The following NMI variants were observed in gnomAD, a reference collection of about 807,000 sequenced individuals.
NMI encodes N-myc-interactor.
In NMI, 39 loss-of-function variants were observed where a neutral mutation model predicts 34.3. That is an observed-to-expected ratio of 1.14 (90% CI 0.88 to 1.49). The LOEUF (loss-of-function observed/expected upper bound fraction) is 1.49, where lower values mean the gene tolerates loss of function less well. Ranked by LOEUF, NMI falls within the 40% of genes most tolerant of loss-of-function variation. The pLI, the probability that NMI is intolerant of heterozygous loss-of-function variation, is 0.00. For missense variants in NMI, 339 were observed against 358.1 expected (o/e 0.95, Z 0.43); for synonymous variants, 113 against 120.3 (o/e 0.94, Z 0.40).
chr2:151,278,908 G>C lies in NMI; in HGVS notation c.260C>G (p.Ser87Cys), dbSNP rs1186773661. 3.1e-6 allele frequency: 5 copies of C among 1,612,706 alleles called. No homozygotes were observed. The highest frequency in any genetic ancestry group is 4.2e-6 in the Non-Finnish European group (5 of 1,178,890). The change falls in exon 4 of 8, where the codon TCC becomes TGC. Residue 87 changes from serine (S) to cysteine (C), a missense_variant. Physicochemically the swap from Ser to Cys is moderately radical, Grantham distance 112. Transcript: ENST00000243346. The stretch of plus-strand genomic sequence containing the variant: ...TTTCGAGCTCACTTGAAACGAACAG[G>C]AGATATTTGACAACTGGCTGTCATT... ...PENDSQLSNI[S>C]CSFQVSSKVP...
chr2:151,277,379 G>A (rs1295138555), intron 4 of NMI: 4 of 152,194 alleles, frequency 2.6e-5, no homozygotes, highest in Non-Finnish European at 4.4e-5. Flanking sequence ...ATCTGATACA[G>A]CTGAGAGGGA....
chr2:151,279,000 A>G lies in NMI; in HGVS notation c.178-10T>C, dbSNP rs289831. 205,427 of 1,543,842 alleles carry G rather than the reference A, an allele frequency of 0.13. 17,070 individuals are homozygous for G. The highest frequency in any genetic ancestry group is 0.37 in the African/African-American group (26,786 of 72,840). ...GAATATCCTCTTTAATCTAATCCAA[A>G]TGAAAATGTTTGATTAAAATCAAGA... is the stretch of plus-strand genomic sequence containing the variant. On this transcript the variant is annotated splice_polypyrimidine_tract_variant and intron_variant, in intron 3 of 7. Coordinates refer to ENST00000243346, the MANE Select transcript of NMI (RefSeq NM_004688.3).
intron 1 of NMI, among the ~76,000 whole-genome samples, chr2:151,283,194 G>A (rs1272705372): frequency 1.3e-5 from 2 of 151,808 alleles, no homozygotes; most frequent in African/African-American, 4.8e-5. Flanking sequence ...AGGCTGGAGG[G>A]CAATGGTGCG....
intron 3 of NMI, 104 bp downstream of exon 3, chr2:151,281,844 G>A: frequency 1.5e-6 from 1 of 683,532 alleles, no homozygotes; most frequent in Admixed American, 2.8e-5. Flanking sequence ...TGGTGCCATG[G>A]ATGATGATAA....
At chr2:151,281,855 G>T in intron 3 of NMI, 93 bp downstream of exon 3, 1 of 710,676 alleles carries the variant, frequency 1.4e-6, no homozygotes, top group South Asian at 1.6e-5. Flanking sequence ...ATGATGATAA[G>T]GTTTTAAAAA....
chr2:151,288,560 TGTGA>T (rs1683550298), intron 1 of NMI, among the ~76,000 whole-genome samples: 3 of 147,298 alleles, frequency 2.0e-5, no homozygotes, highest in Non-Finnish European at 4.5e-5. Flanking sequence ...AAATTGTGTA[TGTGA>T]GTGTGTGTGT....
chr2:151,281,947 C>A lies in NMI; in HGVS notation c.177+1G>T. On this transcript the variant is annotated splice_donor_variant, in intron 3 of 7. Coordinates refer to ENST00000243346, the MANE Select transcript of NMI (RefSeq NM_004688.3). LOFTEE classifies it high-confidence loss of function. ...AGTATATAAAATAATTAAGAGAGTA[C>A]CTGGAATTCTTTGGTAGCCTCTTGT... 7.0e-7 allele frequency: 1 copy of A among 1,428,846 alleles called. No homozygotes were observed. The highest frequency in any genetic ancestry group is 9.8e-7 in the Non-Finnish European group (1 of 1,018,796). The allele number at this position is 1,428,846 out of a possible 1,614,324, so 88.5% of individuals were successfully genotyped here. A position where few individuals can be genotyped will look rare whatever the true frequency, so the allele number is the denominator to read the frequency against.
At chr2:151,283,706 G>A (rs184906115) in intron 1 of NMI, among the ~76,000 whole-genome samples, 183 of 152,214 alleles carry the variant, frequency 1.2e-3, no homozygotes, top group African/African-American at 3.7e-3. Flanking sequence ...CTTTCTCTAC[G>A]CAGGTGTTCT....
Position 151,278,995 on chromosome 2 carries a change from T to C in NMI, c.178-5A>G, listed in dbSNP as rs1683339219. 6.4e-7 allele frequency: 1 copy of C among 1,562,704 alleles called. No homozygotes were observed. Among genetic ancestry groups the C allele is most frequent in the African/African-American group, 1.4e-5 (1 of 73,556 alleles). ...TTCAGGAATATCCTCTTTAATCTAA[T>C]CCAAATGAAAATGTTTGATTAAAAT... On this transcript the variant is annotated splice_region_variant and splice_polypyrimidine_tract_variant and intron_variant, in intron 3 of 7. Coordinates refer to ENST00000243346, the MANE Select transcript of NMI (RefSeq NM_004688.3).
intron 1 of NMI, among the ~76,000 whole-genome samples, chr2:151,285,045 A>G (rs1238952794): frequency 6.6e-6 from 1 of 152,204 alleles, no homozygotes; most frequent in Non-Finnish European, 1.5e-5. Context: ...GGTATAAAAT[A>G]TACAAAATAA....
chr2:151,286,743 A>C (rs1227437980), intron 1 of NMI, among the ~76,000 whole-genome samples: 2 of 152,186 alleles, frequency 1.3e-5, no homozygotes, highest in Non-Finnish European at 2.9e-5. Flanking sequence ...GCTTTGTCCA[A>C]GGCCATTGTA....
intron 4 of NMI, 64 bp from the exon 5 acceptor site, chr2:151,275,928 T>C: frequency 9.2e-7 from 1 of 1,084,580 alleles, no homozygotes; most frequent in South Asian, 1.5e-5. Context: ...ATGCTTTTGG[T>C]TTAAGAACAA....
At chr2:151,279,171 T>G (rs1345126564) in intron 3 of NMI, among the ~76,000 whole-genome samples, 181 bp from the exon 4 acceptor site, 1 of 152,232 alleles carries the variant, frequency 6.6e-6, no homozygotes, top group African/African-American at 2.4e-5. Context: ...AAGTACTCAG[T>G]AATCAAATGC....
chr2:151,283,983 T>A (rs1260845734), intron 1 of NMI, among the ~76,000 whole-genome samples: 1 of 152,268 alleles, frequency 6.6e-6, no homozygotes, highest in Admixed American at 6.5e-5. Context: ...CACTAGGTCT[T>A]GTAATATATT....
chr2:151,275,772 C>T lies in NMI; in HGVS notation c.433G>A (p.Gly145Arg), dbSNP rs1381116534. The change falls in exon 5 of 8, where the codon GGA becomes AGA. Residue 145 changes from glycine (G) to arginine (R), a missense_variant. Coordinates refer to ENST00000243346, the MANE Select transcript of NMI (RefSeq NM_004688.3). ...CATCCTGTTACCTGGAATCTGACTC[C>T]TGAATTTAATGGAACTGGCTTGGCC... ...VTAKPVPLNS[G>R]VRFQVYVEVS... 4 of 1,613,340 alleles carry T rather than the reference C, an allele frequency of 2.5e-6. No individual in the cohort carries two copies. Among genetic ancestry groups the T allele is most frequent in the Admixed American group, 1.7e-5 (1 of 59,968 alleles).
intron 1 of NMI, among the ~76,000 whole-genome samples, chr2:151,286,596 G>A (rs1683501916): frequency 6.8e-6 from 1 of 147,276 alleles, no homozygotes; most frequent in African/African-American, 2.5e-5. Flanking sequence ...CCTAAATGTG[G>A]GACCTGCCAG....
At chr2:151,279,789 T>C (rs1348400363) in intron 3 of NMI, among the ~76,000 whole-genome samples, 1 of 152,150 alleles carries the variant, frequency 6.6e-6, no homozygotes, top group African/African-American at 2.4e-5. Context: ...AATTAGATGA[T>C]GTTAAATTTA....
chr2:151,282,128 C>G, intron 2 of NMI, 85 bp from the exon 3 acceptor site: 3 of 650,130 alleles, frequency 4.6e-6, no homozygotes, highest in East Asian at 2.7e-5. Context: ...AAATTTCTCT[C>G]ATCCTGACCA....
At chr2:151,271,789 A>C in intron 6 of NMI, 57 bp from the exon 7 acceptor site, 1 of 850,110 alleles carries the variant, frequency 1.2e-6, no homozygotes, top group Non-Finnish European at 2.0e-6. Context: ...ATTTTTAACC[A>C]AAGTTAAAAC....
Sources: allele counts gnomAD v4.1 joint callset (sites outside exome capture counted in the v4.1 genomes callset), GRCh38; gene constraint gnomAD v4.1.1; transcripts MANE v1.5; gene names NCBI Gene and HGNC (gene_info 2026-07-23, HGNC 2026-07-21).